The following MED15 variants were observed in gnomAD, a reference collection of about 807,000 sequenced individuals.
MED15 encodes the protein mediator of RNA polymerase II transcription subunit 15.
In MED15, 41 loss-of-function variants were observed where a neutral mutation model predicts 118.7. That is an observed-to-expected ratio of 0.35 (90% CI 0.27 to 0.45). MED15 has a LOEUF of 0.45. Ranked by LOEUF, MED15 falls within the 20% of genes least tolerant of loss-of-function variation. The pLI is 1.00. For missense variants in MED15, 740 were observed against 1,025.5 expected (o/e 0.72, Z 3.80); for synonymous variants, 436 against 413.9 (o/e 1.05, Z -0.65).
At chr22:20,512,393 G>C (rs768577463) in intron 1 of MED15, among the ~76,000 whole-genome samples, 1 of 151,872 alleles carries the variant, frequency 6.6e-6, no homozygotes, top group African/African-American at 2.4e-5. Context: ...CTTCTTTTAG[G>C]TGTCTGCTCA....
chr22:20,577,667 T>A (rs1251132043), intron 9 of MED15, among the ~76,000 whole-genome samples: 1 of 151,454 alleles, frequency 6.6e-6, no homozygotes, highest in East Asian at 1.9e-4. Context: ...CTGTGTGGGG[T>A]GAGAGCGCTC....
chr22:20,586,698 C>T lies in MED15; in HGVS notation c.2361C>T (p.Ala787=), dbSNP rs754668727. The part of the protein sequence containing the change: ...AQSVHQACLS[A]A ...GCGTCCACCAGGCCTGCCTCTCAGC[C>T]GCCTAGCCAAGACTGCAGGGATGGC... Residue 787 remains alanine (A), a synonymous_variant, in exon 18 of 18, where the codon GCC becomes GCT. Coordinates refer to ENST00000263205, the MANE Select transcript of MED15 (RefSeq NM_001003891.3). 2.7e-5 allele frequency: 43 copies of T among 1,612,386 alleles called. No homozygotes were observed. Among genetic ancestry groups the T allele is most frequent in the South Asian group, 7.7e-5 (7 of 91,080 alleles).
chr22:20,551,585 G>A, intron 3 of MED15, 98 bp downstream of exon 3: 1 of 1,136,534 alleles, frequency 8.8e-7, no homozygotes, highest in Non-Finnish European at 1.3e-6. Flanking sequence ...CGTGGTGCCT[G>A]AGTCAGAAGG....
At chr22:20,508,185 A>G in intron 1 of MED15, 1 of 1,215,950 alleles carries the variant, frequency 8.2e-7, no homozygotes. Context: ...ATGTAAGATG[A>G]GATTGGGAAG....
chr22:20,556,982 A>C (rs1394071982), intron 5 of MED15, among the ~76,000 whole-genome samples: 1 of 152,180 alleles, frequency 6.6e-6, no homozygotes, highest in Non-Finnish European at 1.5e-5. Flanking sequence ...CGGATTTTCC[A>C]CAGTTTGCTT....
intron 5 of MED15, among the ~76,000 whole-genome samples, chr22:20,558,180 C>T (rs897285262): frequency 6.6e-6 from 1 of 152,164 alleles, no homozygotes; most frequent in Admixed American, 6.5e-5. Context: ...GGCCAACTCT[C>T]CCTGCCCTTC....
chr22:20,517,066 A>T (rs191946657), intron 1 of MED15, among the ~76,000 whole-genome samples: 32 of 151,146 alleles, frequency 2.1e-4, no homozygotes, highest in Admixed American at 1.1e-3. Context: ...AGTAGCTGGG[A>T]CTAAGGGTAG....
At position 20,513,217 on chromosome 22, in the gene MED15, C is replaced by T. The variant is rs551240697; in HGVS notation, c.68+5471C>T. ...GGTATTCTTTACCTGAACCAGTGTA[C>T]ATTGTGAAGCTCTGGAGCCCCTGCT... On this transcript the variant is annotated intron_variant, in intron 1 of 17. Transcript: ENST00000263205. Among the ~76,000 whole-genome samples the T allele has an allele frequency of 4.6e-5, 7 of 152,090 alleles. No individual in the cohort carries two copies. The East Asian group carries it at 1.2e-3, about 25-fold the overall frequency.
At chr22:20,517,267 T>G (rs749578378) in intron 1 of MED15, among the ~76,000 whole-genome samples, 2 of 152,152 alleles carry the variant, frequency 1.3e-5, no homozygotes, top group Admixed American at 6.6e-5. Context: ...CCAGACTGTT[T>G]TAGTGGCTGC....
chr22:20,542,237 G>A (rs977207992), intron 2 of MED15, among the ~76,000 whole-genome samples: 2 of 152,180 alleles, frequency 1.3e-5, no homozygotes, highest in Non-Finnish European at 2.9e-5. Flanking sequence ...CAAGAGAAAA[G>A]AAAACATGTC....
chr22:20,511,732 G>T (rs1229276689), intron 1 of MED15, among the ~76,000 whole-genome samples: 2 of 151,866 alleles, frequency 1.3e-5, no homozygotes, highest in Non-Finnish European at 2.9e-5. Flanking sequence ...CACCTCATCT[G>T]GGCCCATTCT....
chr22:20,551,734 C>G, intron 3 of MED15: 1 of 554,052 alleles, frequency 1.8e-6, no homozygotes, highest in South Asian at 2.1e-5. Flanking sequence ...GTGGTCTAAA[C>G]GGGTTGCTGC....
At chr22:20,536,889 C>T (rs1167055940) in intron 1 of MED15, among the ~76,000 whole-genome samples, 1 of 152,202 alleles carries the variant, frequency 6.6e-6, no homozygotes, top group Non-Finnish European at 1.5e-5. Context: ...TGCTTCATGG[C>T]GACCACCTTT....
chr22:20,570,868 T>A (rs1233404355), intron 8 of MED15, among the ~76,000 whole-genome samples: 1 of 148,010 alleles, frequency 6.8e-6, no homozygotes, highest in Non-Finnish European at 1.5e-5. Flanking sequence ...CAGGTTCAAG[T>A]GATTGTCCTG....
intron 5 of MED15, among the ~76,000 whole-genome samples, chr22:20,561,246 C>T (rs539710968): frequency 1.3e-5 from 2 of 152,212 alleles, no homozygotes; most frequent in Admixed American, 6.5e-5. Context: ...AAAGGCCGGG[C>T]GCGGTGGCTC....
At position 20,551,280 on chromosome 22, in the gene MED15, C is replaced by G. The variant is rs57203003; in HGVS notation, c.157-156C>G. On this transcript the variant is annotated intron_variant, in intron 2 of 17. Transcript: ENST00000263205. ...TAGCTGAGCACTGACGGCTCTCTTCCGAGAGGCGGATTCCAGAGGAGGCCG... is the reference window on the plus strand; with the variant it reads ...TAGCTGAGCACTGACGGCTCTCTTCGGAGAGGCGGATTCCAGAGGAGGCCG... 2,334 of 781,254 alleles carry G rather than the reference C, an allele frequency of 3.0e-3. 38 individuals carry two copies. The African/African-American group carries it at 0.034, about 11-fold the overall frequency. The allele number at this position is 781,254 out of a possible 1,614,324, so 48.4% of individuals were successfully genotyped here. A position where few individuals can be genotyped will look rare whatever the true frequency, so the allele number is the denominator to read the frequency against.
intron 1 of MED15, among the ~76,000 whole-genome samples, chr22:20,526,067 G>A (rs994637067): frequency 2.6e-5 from 4 of 151,868 alleles, no homozygotes; most frequent in Admixed American, 1.3e-4. Context: ...CTACAGGCAT[G>A]CACCACTATG....
chr22:20,566,817 T>C lies in MED15; in HGVS notation c.1041T>C (p.Phe347=). ...TGTATACCCAACCACCACTGAAATT[T>C]GTGAGTACCTGTGGCCCACAGTGGA... ...QMLYTQPPLK[F]VRAPMVVQQP... Residue 347 remains phenylalanine, a splice_region_variant and synonymous_variant, in exon 7 of 18, where the codon TTT becomes TTC. Transcript: ENST00000263205. 1 of 1,612,782 alleles carries C rather than the reference T, an allele frequency of 6.2e-7. No individual in the cohort carries two copies. The highest frequency in any genetic ancestry group is 8.5e-7 in the Non-Finnish European group (1 of 1,178,874).
intron 9 of MED15, 56 bp downstream of exon 9, chr22:20,575,288 G>A (rs1466169546): frequency 6.9e-6 from 11 of 1,588,384 alleles, no homozygotes; most frequent in African/African-American, 4.0e-5. Context: ...TCCTCTGAGC[G>A]CCTTTGTAAA....
Sources: gnomAD v4.1 joint callset for allele counts (sites outside exome capture counted in the v4.1 genomes callset) on GRCh38, gnomAD v4.1.1 for gene constraint, MANE v1.5 for transcripts, NCBI Gene and HGNC (gene_info 2026-07-23, HGNC 2026-07-21) for gene names.